FAAP20: variants seen among roughly 807,000 people sequenced by gnomAD.
FAAP20 encodes the protein Fanconi anemia core complex-associated protein 20.
FAAP20 carries 12 observed loss-of-function variants against 16.2 expected under a neutral mutation model. That is an observed-to-expected ratio of 0.74 (90% CI 0.48 to 1.20). FAAP20 has a LOEUF of 1.20. Among genes scored for constraint, FAAP20 ranks in the 50% most tolerant of loss-of-function variants. The pLI, the probability that FAAP20 is intolerant of heterozygous loss-of-function variation, is 0.00. For synonymous variants in FAAP20, 141 were observed against 110.7 expected, an observed-to-expected ratio of 1.27 and a Z score of -1.72; for missense variants, 288 against 245.8, an observed-to-expected ratio of 1.17 and a Z score of -1.15.
At position 2,189,612 on chromosome 1, in the gene FAAP20, G is replaced by A. The variant is rs1557774761; in HGVS notation, c.*97C>T. ...TTTAATGCGCATGCGGGGGAGCCGA[G>A]AGGCGGGGCTGCTGGCGGGGGAGCC... On this transcript the variant is annotated 3_prime_UTR_variant, in exon 4 of 4. Transcript: ENST00000378546. 40 of 901,558 alleles carry A rather than the reference G, an allele frequency of 4.4e-5. No individual in the cohort carries two copies. The South Asian group carries it at 4.7e-4, about 11-fold the overall frequency. The allele number at this position is 901,558 out of a possible 1,614,324, so 55.8% of individuals were successfully genotyped here.
chr1:2,202,258 T>C (rs562513535), upstream of FAAP20, among the ~76,000 whole-genome samples: 29 of 152,286 alleles, frequency 1.9e-4, no homozygotes, highest in Admixed American at 5.9e-4. Context: ...AGGTGGCCTC[T>C]GTTCCTTCCA....
downstream of FAAP20, chr1:2,212,101 G>T (rs949694530): frequency 6.6e-6 from 1 of 151,774 alleles, no homozygotes; most frequent in African/African-American, 2.4e-5. Context: ...GAGCGACAGG[G>T]TTTCACCGTG....
At chr1:2,209,891 C>T (rs1431588125), downstream of FAAP20, among the ~76,000 whole-genome samples, 2 of 152,242 alleles carry the variant, frequency 1.3e-5, no homozygotes, top group Non-Finnish European at 2.9e-5. Flanking sequence ...TCAGTGGACG[C>T]ACATCCCTGC....
chr1:2,185,996 C>T (rs1031158892), downstream of FAAP20: 1 of 400,086 alleles, frequency 2.5e-6, no homozygotes, highest in Non-Finnish European at 5.1e-6. Flanking sequence ...CGCTCTCCGT[C>T]CACCCACCCC....
chr1:2,199,416 G>GCCCAC (rs1209788816), upstream of FAAP20: 2 of 998,874 alleles, frequency 2.0e-6, no homozygotes, highest in African/African-American at 3.5e-5. This position sits in a 1 kb window ranked among gnomAD's most constrained non-coding sequence, Gnocchi z 4.5. Flanking sequence ...GCCCAGCCCA[G>GCCCAC]CCCAGGCTTC....
chr1:2,211,900 C>CTTTTTTT (rs60874812), downstream of FAAP20, among the ~76,000 whole-genome samples: 16 of 98,988 alleles, frequency 1.6e-4, no homozygotes, highest in South Asian at 3.7e-4. Flanking sequence ...CAAGCTGCTG[C>CTTTTTTT]TTTTTTTTTT....
downstream of FAAP20, among the ~76,000 whole-genome samples, chr1:2,211,429 A>T (rs1394989832): frequency 2.1e-4 from 4 of 18,856 alleles, no homozygotes; most frequent in Non-Finnish European, 3.1e-4. Context: ...ATATATATAT[A>T]TATATATTTT....
Position 2,189,608 on chromosome 1 carries a change from C to CCGAGAGGCGGGGCTGCTGGCGGGGGAGT in FAAP20, c.*100_*101insACTCCCCCGCCAGCAGCCCCGCCTCTCG. On this transcript the variant is annotated 3_prime_UTR_variant, in exon 4 of 4. Transcript: ENST00000378546. ...CTGCTTTAATGCGCATGCGGGGGAGCCGAGAGGCGGGGCTGCTGGCGGGGG... is the reference window on the plus strand; with the variant it reads ...CTGCTTTAATGCGCATGCGGGGGAGCCGAGAGGCGGGGCTGCTGGCGGGGGAGTCGAGAGGCGGGGCTGCTGGCGGGGG... The CCGAGAGGCGGGGCTGCTGGCGGGGGAGT allele has an allele frequency of 1.1e-6, 1 of 880,310 alleles. No individual in the cohort carries two copies. Among genetic ancestry groups the CCGAGAGGCGGGGCTGCTGGCGGGGGAGT allele is most frequent in the Non-Finnish European group, 1.8e-6 (1 of 563,176 alleles). 54.5% of individuals were successfully genotyped at this position (880,310 alleles called of 1,614,324 possible). A position where few individuals can be genotyped will look rare whatever the true frequency, so the allele number is the denominator to read the frequency against.
downstream of FAAP20, among the ~76,000 whole-genome samples, chr1:2,211,422 TATATATATATA>T (rs1689437709): frequency 6.9e-5 from 2 of 29,078 alleles, no homozygotes; most frequent in African/African-American, 2.2e-4. Context: ...TATATATATA[TATATATATATA>T]TATTTTTTTT....
Position 2,189,682 on chromosome 1 carries a change from A to G in FAAP20, c.*27T>C, listed in dbSNP as rs375854012. ...GGGGGAGAGCGTGTCCGGGCGCCGC[A>G]CTCTGCGCAGGGCTCTTGGATGGCG... On this transcript the variant is annotated 3_prime_UTR_variant, in exon 4 of 4. Transcript: ENST00000378546. The G allele has an allele frequency of 1.0e-5, 16 of 1,598,698 alleles. No individual in the cohort carries two copies. In the African/African-American group the frequency reaches 1.5e-4, roughly 15 times the overall value.
At chr1:2,198,726 C>A, upstream of FAAP20, 1 of 1,277,652 alleles carries the variant, frequency 7.8e-7, no homozygotes, top group African/African-American at 1.5e-5. Flanking sequence ...GGCCCAGCAC[C>A]CACACACGGT....
chr1:2,201,196 T>C (rs1057883), upstream of FAAP20: 3 of 1,237,114 alleles, frequency 2.4e-6, no homozygotes, highest in South Asian at 4.0e-5. Context: ...AGCCGTGGGG[T>C]GGCTCCATCC....
In FAAP20 at chr1:2,189,684, T is replaced by G. The variant is rs773059053; in HGVS notation, c.*25A>C. On this transcript the variant is annotated 3_prime_UTR_variant, in exon 4 of 4. Transcript: ENST00000378546. Reference sequence around the variant, plus strand: ...GGGAGAGCGTGTCCGGGCGCCGCACTCTGCGCAGGGCTCTTGGATGGCGCT... The same window carrying G: ...GGGAGAGCGTGTCCGGGCGCCGCACGCTGCGCAGGGCTCTTGGATGGCGCT... The G allele has an allele frequency of 1.2e-6, 2 of 1,601,372 alleles. No homozygotes were observed. The highest frequency in any genetic ancestry group is 1.7e-4 in the Middle Eastern group (1 of 5,978).
At chr1:2,205,384 G>A (rs1235132447) in intron 3 of FAAP20, among the ~76,000 whole-genome samples, 4 of 148,178 alleles carry the variant, frequency 2.7e-5, no homozygotes, top group African/African-American at 7.5e-5. Context: ...GCCCAGCCTG[G>A]GGCAGCCGTC....
downstream of FAAP20, chr1:2,189,547 G>A (rs1002879033): frequency 1.1e-5 from 7 of 656,186 alleles, no homozygotes; most frequent in South Asian, 8.5e-5. Flanking sequence ...AGCGGCAGAC[G>A]TTTCATCACA....
chr1:2,186,928 G>A, downstream of FAAP20: 1 of 250,364 alleles, frequency 4.0e-6, no homozygotes, highest in South Asian at 3.7e-5. Context: ...TCATCAGAGG[G>A]GAGACTTTTA....
upstream of FAAP20, chr1:2,199,127 C>T (rs1430939775): frequency 8.4e-7 from 1 of 1,185,332 alleles, no homozygotes; most frequent in Non-Finnish European, 1.1e-6. This position sits in a 1 kb window ranked among gnomAD's most constrained non-coding sequence, Gnocchi z 4.5. Context: ...AGGGCCCTGG[C>T]CCGGGAGAGA....
At chr1:2,185,534 C>G (rs534073075), downstream of FAAP20, 2 of 714,366 alleles carry the variant, frequency 2.8e-6, no homozygotes, top group South Asian at 3.0e-5. Context: ...ACACCGCAAT[C>G]AAGAATTGTT....
downstream of FAAP20, among the ~76,000 whole-genome samples, chr1:2,207,909 C>CGTGTGTGTGTGTGT (rs58549960): frequency 1.1e-4 from 16 of 145,888 alleles, no homozygotes; most frequent in East Asian, 8.9e-4. Flanking sequence ...TGGTAACACC[C>CGTGTGTGTGTGTGT]GTGTGTGTGT....
Sources: allele counts gnomAD v4.1 joint callset (sites outside exome capture counted in the v4.1 genomes callset), GRCh38; gene constraint gnomAD v4.1.1; non-coding constraint Gnocchi (gnomAD v3.1); transcripts MANE v1.5; gene names NCBI Gene and HGNC (gene_info 2026-07-23, HGNC 2026-07-21).